Variants in GLG1 observed in about 807,000 individuals in gnomAD.
GLG1 encodes the protein golgi glycoprotein 1, also known as Golgi apparatus protein 1.
Under a neutral mutation model 160.5 loss-of-function variants are expected in GLG1, and 38 were observed. The observed-to-expected ratio is 0.24, with a 90% CI of 0.18 to 0.31. The LOEUF (loss-of-function observed/expected upper bound fraction) is 0.31. Ranked by LOEUF, GLG1 falls within the 10% of genes least tolerant of loss-of-function variation. The pLI is 1.00. For missense variants in GLG1, 1,373 were observed against 1,505.2 expected, an observed-to-expected ratio of 0.91 and a Z score of 1.45; for synonymous variants, 644 against 543.4, an observed-to-expected ratio of 1.19 and a Z score of -2.57.
At chr16:74,506,963 G>A (rs905108611) in intron 3 of GLG1, among the ~76,000 whole-genome samples, 1 of 152,140 alleles carries the variant, frequency 6.6e-6, no homozygotes, top group African/African-American at 2.4e-5. Flanking sequence ...TTTGACTGGA[G>A]CCAGAAGGAA....
At chr16:74,492,805 C>G (rs1158416898) in intron 7 of GLG1, 152 bp downstream of exon 7, 2 of 465,276 alleles carry the variant, frequency 4.3e-6, no homozygotes, top group Non-Finnish European at 7.2e-6. Context: ...GGCGACAGAG[C>G]GAGAGACTCC....
At chr16:74,509,129 T>A (rs2016716192) in intron 2 of GLG1, among the ~76,000 whole-genome samples, 1 of 151,100 alleles carries the variant, frequency 6.6e-6, no homozygotes, top group Non-Finnish European at 1.5e-5. Flanking sequence ...GGATGACTAT[T>A]CAGATATATT....
intron 1 of GLG1, among the ~76,000 whole-genome samples, chr16:74,542,689 G>T (rs1476197391): frequency 2.8e-5 from 2 of 71,928 alleles, no homozygotes; most frequent in African/African-American, 5.7e-5. Context: ...AAAAGGGAAG[G>T]GAAGGAGGGA....
chr16:74,572,194 C>A (rs1013445129), intron 1 of GLG1, among the ~76,000 whole-genome samples: 1 of 152,116 alleles, frequency 6.6e-6, no homozygotes, highest in African/African-American at 2.4e-5. Context: ...GGCAATGATG[C>A]CTAAGTAATG....
chr16:74,560,631 C>T (rs1164259863), intron 1 of GLG1, among the ~76,000 whole-genome samples: 2 of 152,166 alleles, frequency 1.3e-5, no homozygotes, highest in African/African-American at 4.8e-5. Flanking sequence ...TGAGCCACTG[C>T]GCCTAGCCCT....
chr16:74,513,853 A>G lies in GLG1; in HGVS notation c.472-4928T>C, dbSNP rs544566873. 3.9e-5 allele frequency among the ~76,000 whole-genome samples: 6 copies of G among 152,340 alleles called. No individual in the cohort carries two copies. The East Asian group carries it at 1.2e-3, about 29-fold the overall frequency. Reference sequence around the variant, plus strand: ...ATAACAAACTTCTCTGAGCTTAACGAGCATGTTCTAACCCATCAAAAGGAA... The same window carrying G: ...ATAACAAACTTCTCTGAGCTTAACGGGCATGTTCTAACCCATCAAAAGGAA... On this transcript the variant is annotated intron_variant, in intron 2 of 25. Coordinates refer to ENST00000422840, the MANE Select transcript of GLG1 (RefSeq NM_001145667.2).
chr16:74,603,271 G>A (rs562595918), intron 1 of GLG1, among the ~76,000 whole-genome samples: 23 of 151,824 alleles, frequency 1.5e-4, no homozygotes, highest in Non-Finnish European at 2.8e-4. Context: ...TTAGCTGGGC[G>A]AGGTGGTGCG....
chr16:74,492,818 CT>C (rs2016049497), intron 7 of GLG1, 138 bp downstream of exon 7: 1 of 502,928 alleles, frequency 2.0e-6, no homozygotes, highest in African/African-American at 2.2e-5. Context: ...GAGACTCCGT[CT>C]CAAGAAAAAA....
At chr16:74,486,048 A>G (rs1019422004) in intron 8 of GLG1, 131 bp from the exon 9 acceptor site, 1 of 650,288 alleles carries the variant, frequency 1.5e-6, no homozygotes, top group African/African-American at 1.8e-5. Flanking sequence ...TACAGTTGTC[A>G]CTAGCCAAGC....
chr16:74,585,056 T>C (rs542877697), intron 1 of GLG1, among the ~76,000 whole-genome samples: 43 of 152,192 alleles, frequency 2.8e-4, no homozygotes, highest in African/African-American at 6.7e-4. Flanking sequence ...CAAAAATCTA[T>C]TGAAATAAAA....
chr16:74,581,715 A>T (rs1033066339), intron 1 of GLG1, among the ~76,000 whole-genome samples: 2 of 152,098 alleles, frequency 1.3e-5, no homozygotes, highest in Admixed American at 1.3e-4. Context: ...GTTCGAGACC[A>T]GCCTGGCCAA....
chr16:74,549,545 C>G (rs1051989697), intron 1 of GLG1, among the ~76,000 whole-genome samples: 1 of 152,214 alleles, frequency 6.6e-6, no homozygotes, highest in Non-Finnish European at 1.5e-5. Context: ...CTCAGCTTCC[C>G]AAGGTGCCAA....
At chr16:74,597,233 C>A (rs560618398) in intron 1 of GLG1, among the ~76,000 whole-genome samples, 3 of 151,520 alleles carry the variant, frequency 2.0e-5, no homozygotes, top group Admixed American at 6.6e-5. Flanking sequence ...GAGATCAAGA[C>A]CAGCATGTCC....
chr16:74,539,999 A>ATATATTATATATATAT (rs1555514268), intron 1 of GLG1, among the ~76,000 whole-genome samples: 7 of 468 alleles, frequency 0.015, 3 homozygotes, highest in East Asian at 1. Flanking sequence ...TATATATTTT[A>ATATATTATATATATAT]TATATATATA....
intron 1 of GLG1, among the ~76,000 whole-genome samples, chr16:74,552,957 G>A (rs955694360): frequency 2.6e-5 from 4 of 151,950 alleles, no homozygotes; most frequent in Non-Finnish European, 4.4e-5. Flanking sequence ...AGTGGCTCAC[G>A]CTTGTAATCC....
intron 2 of GLG1, among the ~76,000 whole-genome samples, chr16:74,530,368 A>G (rs912912722): frequency 6.6e-6 from 1 of 152,136 alleles, no homozygotes; most frequent in Non-Finnish European, 1.5e-5. Flanking sequence ...AGGCTTGAAC[A>G]GGGTTCAGCC....
chr16:74,508,726 A>T, intron 3 of GLG1, 113 bp downstream of exon 3: 1 of 609,176 alleles, frequency 1.6e-6, no homozygotes, highest in Non-Finnish European at 3.0e-6. Flanking sequence ...CAACCAAGAC[A>T]GATGTGAATT....
chr16:74,521,615 G>A (rs556547904), intron 2 of GLG1, among the ~76,000 whole-genome samples: 2 of 152,230 alleles, frequency 1.3e-5, no homozygotes, highest in Non-Finnish European at 2.9e-5. Context: ...TTTAGGGGCA[G>A]AAAAATCAAG....
At chr16:74,507,505 G>A (rs897837170) in intron 3 of GLG1, among the ~76,000 whole-genome samples, 2 of 152,180 alleles carry the variant, frequency 1.3e-5, no homozygotes, top group African/African-American at 2.4e-5. Flanking sequence ...GGGAGGTTGA[G>A]GTGGGTGGAT....
Sources: allele counts gnomAD v4.1 joint callset (sites outside exome capture counted in the v4.1 genomes callset), GRCh38; gene constraint gnomAD v4.1.1; transcripts MANE v1.5; gene names NCBI Gene and HGNC (gene_info 2026-07-23, HGNC 2026-07-21).